The following CSMD1 variants were observed in gnomAD, a reference collection of about 807,000 sequenced individuals.
CSMD1 encodes CUB and Sushi multiple domains 1.
Under a neutral mutation model 417.5 loss-of-function variants are expected in CSMD1, and 213 were observed. The observed-to-expected ratio is 0.51, with a 90% CI of 0.46 to 0.57. CSMD1 has a LOEUF of 0.57. Among genes scored for constraint, CSMD1 ranks in the 20% least tolerant of loss-of-function variants. The pLI is 0.00. For missense variants in CSMD1, 6,923 were observed against 4,529.7 expected (o/e 1.53, Z -15.17); for synonymous variants, 2,862 against 1,736.8 (o/e 1.65, Z -16.11).
chr8:3,262,191 A>G (rs1286891599), intron 26 of CSMD1, among the ~76,000 whole-genome samples: 15 of 55,374 alleles, frequency 2.7e-4, no homozygotes, highest in Non-Finnish European at 4.9e-4. Context: ...ATGAATATAT[A>G]TATATATATA....
chr8:3,953,175 G>C (rs554049486), intron 5 of CSMD1, among the ~76,000 whole-genome samples: 10 of 151,942 alleles, frequency 6.6e-5, no homozygotes, highest in Non-Finnish European at 1.3e-4. Flanking sequence ...CTGGATTAGA[G>C]ATTTTACTTT....
intron 5 of CSMD1, among the ~76,000 whole-genome samples, chr8:3,818,526 T>C (rs1221068383): frequency 1.3e-5 from 2 of 151,978 alleles, no homozygotes; most frequent in Non-Finnish European, 2.9e-5. Context: ...TAGACCAGGG[T>C]AGGCTTACCC....
At chr8:4,656,145 C>G (rs1038252504) in intron 1 of CSMD1, among the ~76,000 whole-genome samples, 1 of 151,818 alleles carries the variant, frequency 6.6e-6, no homozygotes, top group Admixed American at 6.6e-5. Context: ...TGATGTGAAG[C>G]AAGGATTAAA....
chr8:3,657,298 C>T (rs2117425371), intron 7 of CSMD1, among the ~76,000 whole-genome samples: 1 of 152,214 alleles, frequency 6.6e-6, no homozygotes, highest in East Asian at 1.9e-4. Context: ...AAACCAGTCC[C>T]ATTTACAATA....
chr8:4,236,437 G>T (rs1046092659), intron 3 of CSMD1, among the ~76,000 whole-genome samples: 1 of 152,064 alleles, frequency 6.6e-6, no homozygotes, highest in Non-Finnish European at 1.5e-5. Context: ...CTACACCCCG[G>T]GTAACACTGT....
chr8:3,585,473 T>C (rs1238482431), intron 9 of CSMD1, among the ~76,000 whole-genome samples: 1 of 152,222 alleles, frequency 6.6e-6, no homozygotes, highest in Non-Finnish European at 1.5e-5. Context: ...AATTTTATTA[T>C]TATTTTCATT....
At chr8:3,876,264 G>A (rs567987587) in intron 5 of CSMD1, among the ~76,000 whole-genome samples, 1 of 152,130 alleles carries the variant, frequency 6.6e-6, no homozygotes, top group Non-Finnish European at 1.5e-5. Context: ...GCATTCACGT[G>A]TTGTTTTATT....
intron 3 of CSMD1, among the ~76,000 whole-genome samples, chr8:4,084,037 C>G (rs1332088980): frequency 6.6e-6 from 1 of 151,856 alleles, no homozygotes; most frequent in Non-Finnish European, 1.5e-5. Context: ...GGCAAAAAAA[C>G]CCTTTTAAAA....
chr8:4,430,111 T>C lies in CSMD1; in HGVS notation c.303-10046A>G, dbSNP rs563818746. Among the ~76,000 whole-genome samples the C allele has an allele frequency of 3.3e-5, 5 of 152,276 alleles. No individual in the cohort carries two copies. The South Asian group carries it at 6.2e-4, about 19-fold the overall frequency. ...GTTTAAATCCCAGAAGTGAGGTTTA[T>C]AAATAAAGCTAAATGTGCTGATTCC... On this transcript the variant is annotated intron_variant, in intron 2 of 69. Coordinates refer to ENST00000635120, the MANE Select transcript of CSMD1 (RefSeq NM_033225.6).
intron 5 of CSMD1, among the ~76,000 whole-genome samples, chr8:3,962,600 G>A (rs540711815): frequency 5.3e-5 from 8 of 152,096 alleles, no homozygotes; most frequent in Non-Finnish European, 8.8e-5. Flanking sequence ...ATGCTATGAA[G>A]AGGAAAGGAG....
At chr8:3,294,464 G>T (rs1803812693) in intron 25 of CSMD1, among the ~76,000 whole-genome samples, 1 of 152,192 alleles carries the variant, frequency 6.6e-6, no homozygotes, top group South Asian at 2.1e-4. Context: ...GCTGTGGTGG[G>T]CTCCACCCAG....
intron 25 of CSMD1, among the ~76,000 whole-genome samples, chr8:3,292,967 G>T (rs907186903): frequency 5.3e-5 from 8 of 152,000 alleles, no homozygotes; most frequent in Non-Finnish European, 8.8e-5. Flanking sequence ...GCTGGTACCG[G>T]TTGTTCCTTT....
intron 3 of CSMD1, among the ~76,000 whole-genome samples, chr8:4,283,990 T>C (rs1489652164): frequency 2.0e-5 from 3 of 152,130 alleles, no homozygotes; most frequent in African/African-American, 7.2e-5. Context: ...CGTAGCACTT[T>C]GGGAGGCCGA....
At chr8:3,529,511 T>A (rs1208738374) in intron 10 of CSMD1, among the ~76,000 whole-genome samples, 1 of 152,158 alleles carries the variant, frequency 6.6e-6, no homozygotes, top group East Asian at 1.9e-4. Context: ...TCTAATCATA[T>A]AGAGGAGAAA....
At chr8:4,325,444 T>G (rs1799505778) in intron 3 of CSMD1, among the ~76,000 whole-genome samples, 1 of 152,168 alleles carries the variant, frequency 6.6e-6, no homozygotes, top group African/African-American at 2.4e-5. Flanking sequence ...TACATGGTAT[T>G]TACTTCATGT....
intron 1 of CSMD1, among the ~76,000 whole-genome samples, chr8:4,892,366 A>T (rs1304162209): frequency 6.6e-6 from 1 of 152,066 alleles, no homozygotes; most frequent in Non-Finnish European, 1.5e-5. Context: ...AATGGTGTGA[A>T]CAAGAGCAAG....
chr8:3,501,659 C>G (rs1266989096), intron 10 of CSMD1, among the ~76,000 whole-genome samples: 1 of 152,094 alleles, frequency 6.6e-6, no homozygotes, highest in Non-Finnish European at 1.5e-5. Flanking sequence ...AATTATGTAT[C>G]AGAAGAAAGG....
chr8:3,793,828 C>A (rs567689593), intron 5 of CSMD1, among the ~76,000 whole-genome samples: 1 of 152,182 alleles, frequency 6.6e-6, no homozygotes, highest in Non-Finnish European at 1.5e-5. Context: ...ATGTCAGGAT[C>A]TGCATACAAG....
At chr8:4,312,017 A>G (rs750694841) in intron 3 of CSMD1, among the ~76,000 whole-genome samples, 3 of 152,190 alleles carry the variant, frequency 2.0e-5, no homozygotes, top group African/African-American at 7.2e-5. Context: ...CATTGCTATG[A>G]AATTATTATA....
Sources: gnomAD v4.1 joint callset for allele counts (sites outside exome capture counted in the v4.1 genomes callset) on GRCh38, gnomAD v4.1.1 for gene constraint, MANE v1.5 for transcripts, NCBI Gene and HGNC (gene_info 2026-07-23, HGNC 2026-07-21) for gene names.